BMPR1A: variants seen among roughly 807,000 people sequenced by gnomAD.
The protein encoded by BMPR1A is bone morphogenetic protein receptor type-1A.
Under a neutral mutation model 66.0 loss-of-function variants are expected in BMPR1A, and 7 were observed. That is an observed-to-expected ratio of 0.11 (90% CI 0.06 to 0.20). The LOEUF (loss-of-function observed/expected upper bound fraction) is 0.20. BMPR1A is among the 10% of genes least tolerant of loss of function. The probability of loss-of-function intolerance (pLI) is 1.00; values close to 1 mark genes in which losing one functional copy is unlikely to be tolerated. For synonymous variants in BMPR1A, 200 were observed against 229.7 expected (o/e 0.87, Z 1.17); for missense variants, 408 against 669.1 (o/e 0.61, Z 4.31).
intron 1 of BMPR1A, among the ~76,000 whole-genome samples, chr10:86,766,125 CAG>C (rs951691147): frequency 6.6e-6 from 1 of 151,606 alleles, no homozygotes; most frequent in Non-Finnish European, 1.5e-5. Flanking sequence ...TAGCTGGGAC[CAG>C]AGGTGCATGC....
chr10:86,878,046 T>C (rs983581318), intron 3 of BMPR1A, among the ~76,000 whole-genome samples: 1 of 152,216 alleles, frequency 6.6e-6, no homozygotes, highest in African/African-American at 2.4e-5. Context: ...TTGCTTCAAA[T>C]AACACACAAA....
intron 1 of BMPR1A, among the ~76,000 whole-genome samples, chr10:86,799,841 T>C (rs911716600): frequency 3.9e-5 from 6 of 152,172 alleles, no homozygotes; most frequent in Non-Finnish European, 7.3e-5. Context: ...TAAAATGAAT[T>C]TCTTTCCCAT....
At chr10:86,887,599 T>C (rs998193027) in intron 3 of BMPR1A, among the ~76,000 whole-genome samples, 1 of 152,216 alleles carries the variant, frequency 6.6e-6, no homozygotes, top group African/African-American at 2.4e-5. Context: ...GAGTAACTTA[T>C]CTGTGCCCGT....
At chr10:86,806,911 C>A (rs1841895696) in intron 1 of BMPR1A, among the ~76,000 whole-genome samples, 1 of 152,044 alleles carries the variant, frequency 6.6e-6, no homozygotes, top group Non-Finnish European at 1.5e-5. Context: ...TCTCTTCATT[C>A]CGGCTCTCGT....
Position 86,925,719 on chromosome 10 carries a change from A to ATGTT in BMPR1A, c.*2001_*2002insGTTT, listed in dbSNP as rs1163006358. 3.0e-4 allele frequency: 37 copies of ATGTT among 123,492 alleles called. No individual in the cohort carries two copies. Among genetic ancestry groups the ATGTT allele is most frequent in the Non-Finnish European group, 4.2e-4 (29 of 69,526 alleles). 7.6% of individuals were successfully genotyped at this position (123,492 alleles called of 1,614,324 possible). A position where few individuals can be genotyped will look rare whatever the true frequency, so the allele number is the denominator to read the frequency against. Reference sequence around the variant, plus strand: ...ACCATAATCTTTAAAATCATTTGTCATCTTTTTTTTTTTTTTTTTGAGACG... The same window carrying ATGTT: ...ACCATAATCTTTAAAATCATTTGTCATGTTTCTTTTTTTTTTTTTTTTTGAGACG... On this transcript the variant is annotated 3_prime_UTR_variant, in exon 13 of 13. Transcript: ENST00000372037.
intron 1 of BMPR1A, among the ~76,000 whole-genome samples, chr10:86,823,304 C>T (rs1842146107): frequency 6.6e-6 from 1 of 152,208 alleles, no homozygotes; most frequent in Non-Finnish European, 1.5e-5. Flanking sequence ...CAGTAGCTTA[C>T]ACTTAGTGCT....
chr10:86,874,798 C>T (rs1344416755), intron 2 of BMPR1A, among the ~76,000 whole-genome samples: 2 of 137,284 alleles, frequency 1.5e-5, no homozygotes, highest in Admixed American at 1.5e-4. Flanking sequence ...AATCTTGGCT[C>T]ACTGCAACCT....
chr10:86,884,951 C>T (rs1369523066), intron 3 of BMPR1A, among the ~76,000 whole-genome samples: 1 of 152,136 alleles, frequency 6.6e-6, no homozygotes, highest in Non-Finnish European at 1.5e-5. Flanking sequence ...TTTTTATTGG[C>T]CTTCCAAAAG....
At chr10:86,901,694 C>G (rs558508020) in intron 7 of BMPR1A, among the ~76,000 whole-genome samples, 1 of 152,294 alleles carries the variant, frequency 6.6e-6, no homozygotes, top group African/African-American at 2.4e-5. Context: ...AGCAAGTATG[C>G]TCAATCGGTT....
intron 2 of BMPR1A, among the ~76,000 whole-genome samples, chr10:86,869,051 C>T (rs1464912915): frequency 6.6e-6 from 1 of 152,098 alleles, no homozygotes; most frequent in Non-Finnish European, 1.5e-5. Flanking sequence ...TCTGCATCTC[C>T]TTATATTCTT....
At chr10:86,782,401 C>T (rs1405519150) in intron 1 of BMPR1A, among the ~76,000 whole-genome samples, 2 of 152,116 alleles carry the variant, frequency 1.3e-5, no homozygotes, top group African/African-American at 4.8e-5. Context: ...TTTTGAGGAA[C>T]GTCCATACTG....
chr10:86,927,439 C>CT lies in BMPR1A; in HGVS notation c.*3721dup, dbSNP rs1392434490. 1 of 198,952 alleles carries CT rather than the reference C, an allele frequency of 5.0e-6. No homozygotes were observed. Among genetic ancestry groups the CT allele is most frequent in the African/African-American group, 2.3e-5 (1 of 43,464 alleles). 12.3% of individuals were successfully genotyped at this position (198,952 alleles called of 1,614,324 possible). On this transcript the variant is annotated 3_prime_UTR_variant, in exon 13 of 13. Coordinates refer to ENST00000372037, the MANE Select transcript of BMPR1A (RefSeq NM_004329.3). The stretch of plus-strand genomic sequence containing the variant: ...AGGTGTTAAAATAGCAGTGCCACAG[C>CT]TCGTCTCTTGCCTTAGTGTGCTGCT...
chr10:86,907,594 G>A (rs1212235293), intron 7 of BMPR1A, among the ~76,000 whole-genome samples: 1 of 152,216 alleles, frequency 6.6e-6, no homozygotes, highest in Non-Finnish European at 1.5e-5. Context: ...CAGGTGAATG[G>A]ATAAAGAAAA....
intron 1 of BMPR1A, among the ~76,000 whole-genome samples, chr10:86,758,705 G>A (rs1163017985): frequency 1.3e-5 from 2 of 152,206 alleles, no homozygotes; most frequent in African/African-American, 4.8e-5. Context: ...AGATTGCCAA[G>A]TGTAGTCTGC....
At chr10:86,760,236 C>T (rs924646263) in intron 1 of BMPR1A, among the ~76,000 whole-genome samples, 386 of 19,320 alleles carry the variant, frequency 0.02, no homozygotes, top group East Asian at 0.046. Flanking sequence ...TTCTTTCTTT[C>T]TTTCTTTCTT....
At chr10:86,807,957 G>A (rs1841915141) in intron 1 of BMPR1A, among the ~76,000 whole-genome samples, 1 of 152,144 alleles carries the variant, frequency 6.6e-6, no homozygotes, top group Non-Finnish European at 1.5e-5. Context: ...AGTAGAGACG[G>A]GGTTTCACCA....
intron 1 of BMPR1A, among the ~76,000 whole-genome samples, chr10:86,771,124 A>G (rs913620401): frequency 2.0e-5 from 3 of 152,214 alleles, no homozygotes; most frequent in African/African-American, 7.2e-5. Context: ...TATAAGCTGT[A>G]TATTATATGA....
At chr10:86,894,230 G>A (rs1051175778) in intron 5 of BMPR1A, among the ~76,000 whole-genome samples, 3 of 152,250 alleles carry the variant, frequency 2.0e-5, no homozygotes, top group Non-Finnish European at 2.9e-5. Context: ...GTCCGCTGAA[G>A]TCCCTATGCT....
At chr10:86,859,291 A>G (rs957377016) in intron 2 of BMPR1A, among the ~76,000 whole-genome samples, 1 of 152,154 alleles carries the variant, frequency 6.6e-6, no homozygotes, top group Admixed American at 6.5e-5. Flanking sequence ...ATGTAAGACA[A>G]AGGCACCAAA....
Sources: allele counts gnomAD v4.1 joint callset (sites outside exome capture counted in the v4.1 genomes callset), GRCh38; gene constraint gnomAD v4.1.1; transcripts MANE v1.5; gene names NCBI Gene and HGNC (gene_info 2026-07-23, HGNC 2026-07-21).